The following STARD13 variants were observed in gnomAD, a reference collection of about 807,000 sequenced individuals.
The protein encoded by STARD13 is stAR-related lipid transfer protein 13.
A neutral mutation model predicts 106.4 loss-of-function variants in STARD13; 62 were observed. That is an observed-to-expected ratio of 0.58 (90% confidence interval 0.48 to 0.72). The LOEUF (loss-of-function observed/expected upper bound fraction) is 0.72, where lower values mean the gene tolerates loss of function less well. Among genes scored for constraint, STARD13 ranks in the 30% least tolerant of loss-of-function variants. The pLI is 0.00. For synonymous variants in STARD13, 565 were observed against 553.0 expected, an observed-to-expected ratio of 1.02 and a Z score of -0.31; for missense variants, 1,387 against 1,424.0, an observed-to-expected ratio of 0.97 and a Z score of 0.42.
chr13:33,296,791 G>A (rs1892513968), intron 1 of STARD13, among the ~76,000 whole-genome samples: 1 of 151,962 alleles, frequency 6.6e-6, no homozygotes, highest in African/African-American at 2.4e-5. Flanking sequence ...GCTAATTTTT[G>A]TATTTTTAGT....
At chr13:33,593,472 C>A in the STARD13 span, among the ~76,000 whole-genome samples, 1 of 152,104 alleles carries the variant, frequency 6.6e-6, no homozygotes, top group African/African-American at 2.4e-5. Flanking sequence ...CATGAGCCAC[C>A]GTGCCCTGCC....
the STARD13 span, among the ~76,000 whole-genome samples, chr13:33,454,659 T>C: frequency 6.6e-6 from 1 of 152,228 alleles, no homozygotes; most frequent in East Asian, 1.9e-4. Flanking sequence ...ATGACTATTA[T>C]GTGGTTGGCT....
At chr13:33,205,702 T>C (rs944994470) in intron 1 of STARD13, 1 of 220,326 alleles carries the variant, frequency 4.5e-6, no homozygotes, top group African/African-American at 2.3e-5. Flanking sequence ...GTTGTAAATA[T>C]CAAGTCCACT....
intron 1 of STARD13, among the ~76,000 whole-genome samples, chr13:33,297,932 G>A (rs1340588425): frequency 6.6e-6 from 1 of 152,088 alleles, no homozygotes; most frequent in Non-Finnish European, 1.5e-5. Flanking sequence ...CAAAACTCCA[G>A]TGTTCAAAAT....
At chr13:33,318,245 C>A (rs1391809617) in intron 1 of STARD13, among the ~76,000 whole-genome samples, 1 of 152,154 alleles carries the variant, frequency 6.6e-6, no homozygotes, top group Non-Finnish European at 1.5e-5. Context: ...TTACAATTGA[C>A]TCACTCATTC....
chr13:33,649,250 A>T, the STARD13 span, among the ~76,000 whole-genome samples: 1 of 152,048 alleles, frequency 6.6e-6, no homozygotes, highest in East Asian at 1.9e-4. Context: ...TTGCATATTT[A>T]CTGCTAGGTG....
chr13:33,671,165 ATTAG>A, the STARD13 span, among the ~76,000 whole-genome samples: 40 of 152,272 alleles, frequency 2.6e-4, no homozygotes, highest in African/African-American at 9.6e-4. Context: ...GGTTATTCCT[ATTAG>A]GCATTGCTTA....
At chr13:33,663,515 A>G in the STARD13 span, among the ~76,000 whole-genome samples, 1 of 152,178 alleles carries the variant, frequency 6.6e-6, no homozygotes, top group African/African-American at 2.4e-5. Context: ...ATATAAGGAA[A>G]CGCCTTTGTC....
At chr13:33,614,319 G>A in the STARD13 span, among the ~76,000 whole-genome samples, 1 of 132,300 alleles carries the variant, frequency 7.6e-6, no homozygotes, top group Non-Finnish European at 1.7e-5. Flanking sequence ...TGGAATTAGA[G>A]TCTTTCCTAC....
intron 1 of STARD13, among the ~76,000 whole-genome samples, chr13:33,201,172 A>G (rs1248200760): frequency 1.3e-5 from 2 of 152,216 alleles, no homozygotes; most frequent in Non-Finnish European, 2.9e-5. Context: ...GCCCACTAGC[A>G]ATCCTTAGCT....
chr13:33,346,818 T>C (rs1293435573), downstream of STARD13, among the ~76,000 whole-genome samples: 2 of 151,472 alleles, frequency 1.3e-5, no homozygotes, highest in Non-Finnish European at 2.9e-5. Flanking sequence ...TTTTTTTTTT[T>C]AGTAGAGATG....
intron 3 of STARD13, among the ~76,000 whole-genome samples, chr13:33,152,665 G>A (rs1881432982): frequency 6.6e-6 from 1 of 152,148 alleles, no homozygotes. Context: ...GCTTTGCCCA[G>A]CCCAGCCCAC....
At chr13:33,622,781 G>A in the STARD13 span, among the ~76,000 whole-genome samples, 46 of 151,944 alleles carry the variant, frequency 3.0e-4, no homozygotes, top group South Asian at 6.4e-3. Context: ...TTAGCCGGGC[G>A]TGGTGGCGCA....
At chr13:33,647,088 A>T in the STARD13 span, among the ~76,000 whole-genome samples, 3 of 152,100 alleles carry the variant, frequency 2.0e-5, no homozygotes, top group African/African-American at 7.2e-5. Context: ...TTAACTTAAA[A>T]TGTTTTTGCA....
At chr13:33,539,444 C>T in the STARD13 span, among the ~76,000 whole-genome samples, 1 of 152,078 alleles carries the variant, frequency 6.6e-6, no homozygotes, top group Non-Finnish European at 1.5e-5. Context: ...CTTAGAATGG[C>T]CAAAGTAATT....
intron 12 of STARD13, among the ~76,000 whole-genome samples, chr13:33,107,378 A>G (rs1041626502): frequency 1.3e-5 from 2 of 152,164 alleles, no homozygotes; most frequent in African/African-American, 4.8e-5. Flanking sequence ...GACACTCTAA[A>G]CAGAATTCTA....
the STARD13 span, among the ~76,000 whole-genome samples, chr13:33,615,579 G>A: frequency 6.6e-6 from 1 of 152,138 alleles, no homozygotes; most frequent in African/African-American, 2.4e-5. Context: ...ATAGTGAGAT[G>A]GAACACCCCA....
intron 1 of STARD13, among the ~76,000 whole-genome samples, chr13:33,230,997 A>T (rs1396523042): frequency 6.6e-6 from 1 of 152,216 alleles, no homozygotes; most frequent in Non-Finnish European, 1.5e-5. Flanking sequence ...TTCCAACTGG[A>T]GAGATTGGGA....
At chr13:33,435,795 CACTT>C in the STARD13 span, among the ~76,000 whole-genome samples, 1 of 152,088 alleles carries the variant, frequency 6.6e-6, no homozygotes, top group Non-Finnish European at 1.5e-5. Context: ...GTTCAACAGA[CACTT>C]AATTAACTAA....
Sources: gnomAD v4.1 joint callset for allele counts (sites outside exome capture counted in the v4.1 genomes callset) on GRCh38, gnomAD v4.1.1 for gene constraint, MANE v1.5 for transcripts, NCBI Gene and HGNC (gene_info 2026-07-23, HGNC 2026-07-21) for gene names.